PPME1: variants seen among roughly 807,000 people sequenced by gnomAD.
PPME1 encodes the protein testicular secretory protein Li 39.
PPME1 carries 17 observed loss-of-function variants against 56.9 expected under a neutral mutation model. The ratio of observed to expected loss-of-function variants is 0.30; its 90% CI spans 0.20 to 0.45. The LOEUF (loss-of-function observed/expected upper bound fraction) is 0.45. Among genes scored for constraint, PPME1 ranks in the 20% least tolerant of loss-of-function variants. The pLI is 1.00. For missense variants in PPME1, 357 were observed against 483.2 expected (o/e 0.74, Z 2.45); for synonymous variants, 122 against 156.2 (o/e 0.78, Z 1.63).
chr11:74,186,282 T>C (rs56343229), intron 1 of PPME1, among the ~76,000 whole-genome samples: 15,799 of 152,210 alleles, frequency 0.1, 2,143 homozygotes, highest in African/African-American at 0.32. Flanking sequence ...TCTTAGTCTA[T>C]ATGGTGCTCA....
intron 1 of PPME1, among the ~76,000 whole-genome samples, chr11:74,197,047 T>A (rs1858002047): frequency 6.6e-6 from 1 of 152,234 alleles, no homozygotes; most frequent in African/African-American, 2.4e-5. Context: ...CAAATGCCTC[T>A]GACAAATTGA....
At chr11:74,244,560 C>G (rs868655513) in intron 9 of PPME1, among the ~76,000 whole-genome samples, 8 of 152,154 alleles carry the variant, frequency 5.3e-5, no homozygotes, top group African/African-American at 1.9e-4. Context: ...ACTTCTGTAT[C>G]ACCTCTAGAG....
At chr11:74,209,981 G>C (rs1858430863) in intron 3 of PPME1, among the ~76,000 whole-genome samples, 1 of 152,168 alleles carries the variant, frequency 6.6e-6, no homozygotes, top group Non-Finnish European at 1.5e-5. Flanking sequence ...AGGAGTGCTT[G>C]AGCCCAGGAG....
chr11:74,195,487 A>G (rs954691108), intron 1 of PPME1, among the ~76,000 whole-genome samples: 3 of 152,214 alleles, frequency 2.0e-5, no homozygotes, highest in South Asian at 2.1e-4. Flanking sequence ...ACCCAGATAC[A>G]TCACAGTTTG....
intron 5 of PPME1, 90 bp downstream of exon 5, chr11:74,225,346 T>C: frequency 1.0e-6 from 1 of 981,752 alleles, no homozygotes; most frequent in East Asian, 2.8e-5. Flanking sequence ...GATGAGATTG[T>C]TGGGGAATAA....
rs755713025 is a variant in PPME1 at position 74,171,456 on chromosome 11, G to T, written c.35G>T (p.Arg12Leu). ...CTCGAAAAGAGCATGCACCTCGGCC[G>T]CCTTCCCTCTCGCCCACCTCTACCC... ...SALEKSMHLG[R>L]LPSRPPLPGS... The change falls in exon 1 of 14, where the codon CGC (arginine) becomes CTC (leucine). Residue 12 changes from arginine (R) to leucine (L), a missense_variant. Physicochemically the swap from Arg to Leu is moderately radical, Grantham distance 102. Coordinates refer to ENST00000328257, the MANE Select transcript of PPME1 (RefSeq NM_016147.3). The T allele has an allele frequency of 3.1e-6, 5 of 1,613,054 alleles. No individual in the cohort carries two copies. The highest frequency in any genetic ancestry group is 2.2e-5 in the East Asian group (1 of 44,882).
At chr11:74,241,112 CATTAAGG>C (rs1439362857) in intron 9 of PPME1, among the ~76,000 whole-genome samples, 1 of 152,186 alleles carries the variant, frequency 6.6e-6, no homozygotes, top group Non-Finnish European at 1.5e-5. Context: ...AACTGAGGCA[CATTAAGG>C]AGTGTCCATG....
rs771698562 is a variant in PPME1 at position 74,230,294 on chromosome 11, A to G, written c.448A>G (p.Ile150Val). The G allele has an allele frequency of 4.3e-6, 7 of 1,613,428 alleles. No individual in the cohort carries two copies. The highest frequency in any genetic ancestry group is 2.7e-5 in the African/African-American group (2 of 74,902). Reference protein sequence around the residue: ...EAMYGDLPPPIMLIGHSMGGA... With the variant: ...EAMYGDLPPPVMLIGHSMGGA... ...CATGTATGGGGACCTTCCTCCTCCA[A>G]TTATGCTGATTGGACATAGCATGGG... is the stretch of plus-strand genomic sequence containing the variant. Residue 150 changes from isoleucine (I) to valine (V), a missense_variant, in exon 6 of 14, where the codon ATT becomes GTT. Around this residue, in one of 2 missense-constraint regions of PPME1, gnomAD observed 182 missense variants for 293.8 expected, o/e 0.62. Transcript: ENST00000328257. This position sits in a 1 kb window ranked among gnomAD's most constrained non-coding sequence, Gnocchi z 4.9.
intron 1 of PPME1, among the ~76,000 whole-genome samples, chr11:74,193,706 G>A (rs1348917294): frequency 6.6e-6 from 1 of 152,014 alleles, no homozygotes; most frequent in African/African-American, 2.4e-5. Context: ...GTATCTAGAT[G>A]TATCTGAACA....
At chr11:74,209,597 A>C (rs978929843) in intron 3 of PPME1, among the ~76,000 whole-genome samples, 1 of 152,176 alleles carries the variant, frequency 6.6e-6, no homozygotes, top group Admixed American at 6.5e-5. Flanking sequence ...AGGCAATAGG[A>C]AGCTATTGAA....
intron 12 of PPME1, chr11:74,251,278 C>T (rs954872033): frequency 1.5e-6 from 2 of 1,365,148 alleles, no homozygotes; most frequent in Non-Finnish European, 1.9e-6. Flanking sequence ...CTCTACTTCT[C>T]CAATACCCCC....
chr11:74,227,255 A>C (rs1202134458), intron 5 of PPME1, among the ~76,000 whole-genome samples: 1 of 152,196 alleles, frequency 6.6e-6, no homozygotes, highest in Non-Finnish European at 1.5e-5. Context: ...CAAGGGTAAA[A>C]TATTTACAGG....
chr11:74,204,360 G>A lies in PPME1; in HGVS notation c.203G>A (p.Arg68Gln), dbSNP rs372101043. The A allele has an allele frequency of 1.4e-5, 22 of 1,610,286 alleles. No homozygotes were observed. The highest frequency in any genetic ancestry group is 4.0e-5 in the African/African-American group (3 of 74,784). ...VENETGKDTF[R>Q]VYKSGSEGPV... ...ATCTTTAACTATTCATACACTTTTCGAGTCTACAAGAGTGGTTCAGAGGGT... is the reference window on the plus strand; with the variant it reads ...ATCTTTAACTATTCATACACTTTTCAAGTCTACAAGAGTGGTTCAGAGGGT... The change falls in exon 3 of 14, where the codon CGA becomes CAA. Residue 68 changes from arginine to glutamine, a missense_variant. By Grantham distance (43) the Arg-to-Gln change is conservative (BLOSUM62 1). Around this residue, in one of 2 missense-constraint regions of PPME1, gnomAD observed 175 missense variants for 189.4 expected, o/e 0.92. Transcript: ENST00000328257.
chr11:74,190,186 C>T (rs1468835740), intron 1 of PPME1, among the ~76,000 whole-genome samples: 1 of 152,204 alleles, frequency 6.6e-6, no homozygotes, highest in East Asian at 1.9e-4. Flanking sequence ...AGAGGACCCA[C>T]CTTCTGGTCC....
At chr11:74,241,308 G>T (rs1241241992) in intron 9 of PPME1, among the ~76,000 whole-genome samples, 1 of 152,182 alleles carries the variant, frequency 6.6e-6, no homozygotes, top group Non-Finnish European at 1.5e-5. Flanking sequence ...ATTGTAGCAC[G>T]TATCAAATAC....
intron 9 of PPME1, among the ~76,000 whole-genome samples, chr11:74,240,148 C>G (rs1418663623): frequency 6.6e-6 from 1 of 152,042 alleles, no homozygotes; most frequent in Non-Finnish European, 1.5e-5. Context: ...CTTTCCAACA[C>G]AGCACTGAAA....
intron 1 of PPME1, among the ~76,000 whole-genome samples, chr11:74,185,287 C>T (rs897360355): frequency 3.3e-5 from 5 of 152,050 alleles, no homozygotes; most frequent in Non-Finnish European, 7.4e-5. Flanking sequence ...TGTGAGCCAC[C>T]GCGCCTGGTC....
chr11:74,211,259 G>A (rs911305849), intron 3 of PPME1, among the ~76,000 whole-genome samples: 8 of 152,084 alleles, frequency 5.3e-5, no homozygotes, highest in Non-Finnish European at 7.4e-5. Context: ...ATCCCAGTGG[G>A]ATTTTTTCAT....
intron 3 of PPME1, among the ~76,000 whole-genome samples, chr11:74,211,028 A>C (rs1414767397): frequency 6.6e-6 from 1 of 152,222 alleles, no homozygotes; most frequent in African/African-American, 2.4e-5. Flanking sequence ...ATGTTTAAAA[A>C]TCTGTTTTTT....
Sources: allele counts gnomAD v4.1 joint callset (sites outside exome capture counted in the v4.1 genomes callset), GRCh38; gene constraint gnomAD v4.1.1; regional missense constraint gnomAD v4.1.1; non-coding constraint Gnocchi (gnomAD v3.1); transcripts MANE v1.5; gene names NCBI Gene and HGNC (gene_info 2026-07-23, HGNC 2026-07-21).